Variants in SHANK2 observed in about 807,000 individuals in gnomAD.
SHANK2 encodes SH3 and multiple ankyrin repeat domains protein 2.
In SHANK2, 43 loss-of-function variants were observed where a neutral mutation model predicts 133.7. The observed-to-expected ratio is 0.32, with a 90% CI of 0.25 to 0.41. SHANK2 has a LOEUF of 0.41. Among genes scored for constraint, SHANK2 ranks in the 10% least tolerant of loss-of-function variants. The pLI is 1.00. For synonymous variants in SHANK2, 1,017 were observed against 952.8 expected, an observed-to-expected ratio of 1.07 and a Z score of -1.24; for missense variants, 1,994 against 2,235.8, an observed-to-expected ratio of 0.89 and a Z score of 2.18.
chr11:70,611,429 C>G (rs1354493046), intron 17 of SHANK2, among the ~76,000 whole-genome samples: 6 of 152,218 alleles, frequency 3.9e-5, no homozygotes, highest in Non-Finnish European at 7.3e-5. Context: ...TGCTCCCCAC[C>G]TGCCCTGCTT....
chr11:71,231,342 T>C (rs1555122932), intron 1 of SHANK2, among the ~76,000 whole-genome samples: 1 of 152,060 alleles, frequency 6.6e-6, no homozygotes, highest in African/African-American at 2.4e-5. Flanking sequence ...ATTAAAGAAA[T>C]GCAAATAAAA....
intron 10 of SHANK2, among the ~76,000 whole-genome samples, chr11:70,912,551 G>A (rs952326294): frequency 2.0e-5 from 3 of 152,080 alleles, no homozygotes; most frequent in African/African-American, 4.8e-5. Flanking sequence ...AAGAAGTGCC[G>A]TTTGCCTCCT....
chr11:70,738,258 C>T (rs11237322), intron 14 of SHANK2, among the ~76,000 whole-genome samples: 49 of 152,352 alleles, frequency 3.2e-4, no homozygotes, highest in African/African-American at 1.0e-3. Flanking sequence ...CCGAAGCTTC[C>T]GAGGAAACCG....
chr11:71,221,897 C>T (rs541974120), intron 2 of SHANK2, among the ~76,000 whole-genome samples: 2 of 152,156 alleles, frequency 1.3e-5, no homozygotes, highest in East Asian at 3.9e-4. Flanking sequence ...TGTTCATGAT[C>T]AATGAATGGG....
chr11:70,520,977 G>A (rs1054398963), intron 17 of SHANK2, among the ~76,000 whole-genome samples: 3 of 152,072 alleles, frequency 2.0e-5, no homozygotes, highest in African/African-American at 7.2e-5. Flanking sequence ...CCGTGCTTTC[G>A]AATCCTCCAC....
intron 17 of SHANK2, among the ~76,000 whole-genome samples, chr11:70,519,784 G>T (rs1208622815): frequency 6.6e-6 from 1 of 152,096 alleles, no homozygotes; most frequent in Non-Finnish European, 1.5e-5. Context: ...TACCTGGGCT[G>T]GAGTGCAGTG....
At chr11:70,496,617 T>G (rs2058974843) in intron 21 of SHANK2, among the ~76,000 whole-genome samples, 3 of 152,146 alleles carry the variant, frequency 2.0e-5, no homozygotes, top group Admixed American at 2.0e-4. Flanking sequence ...CTGGCTGTAG[T>G]AAAGGGATTG....
chr11:70,853,734 T>C (rs1949126763), intron 11 of SHANK2, among the ~76,000 whole-genome samples: 1 of 152,150 alleles, frequency 6.6e-6, no homozygotes, highest in Non-Finnish European at 1.5e-5. Context: ...ATTCATTCTC[T>C]CACAATCTTA....
intron 17 of SHANK2, among the ~76,000 whole-genome samples, chr11:70,524,199 C>T (rs1554971681): frequency 6.6e-6 from 1 of 152,054 alleles, no homozygotes; most frequent in East Asian, 1.9e-4. Context: ...CCCCTCTCTA[C>T]CAGGAGAGTA....
intron 14 of SHANK2, among the ~76,000 whole-genome samples, chr11:70,751,706 A>G (rs1946752063): frequency 1.3e-5 from 2 of 152,206 alleles, no homozygotes; most frequent in Non-Finnish European, 1.5e-5. Flanking sequence ...TGGGTTTAAT[A>G]CACGTGATAG....
At chr11:70,803,647 G>A (rs1188989165) in intron 13 of SHANK2, among the ~76,000 whole-genome samples, 2 of 152,024 alleles carry the variant, frequency 1.3e-5, no homozygotes, top group South Asian at 2.1e-4. Flanking sequence ...TGTCTCAGAT[G>A]CAGGGACTTC....
chr11:70,846,487 C>T (rs148520967), intron 11 of SHANK2, among the ~76,000 whole-genome samples: 6 of 152,170 alleles, frequency 3.9e-5, no homozygotes, highest in Middle Eastern at 3.4e-3. Flanking sequence ...CCAGGCTGGC[C>T]TCAAGCGATC....
intron 11 of SHANK2, chr11:70,872,985 A>G (rs1449480349): frequency 4.2e-6 from 2 of 471,196 alleles, no homozygotes; most frequent in Non-Finnish European, 8.8e-6. Context: ...AAACATTACA[A>G]AAGCTAAAGA....
At chr11:71,231,380 A>C (rs1555122937) in intron 1 of SHANK2, among the ~76,000 whole-genome samples, 2 of 152,240 alleles carry the variant, frequency 1.3e-5, no homozygotes, top group Admixed American at 1.3e-4. Context: ...CTATCAAAAC[A>C]GCTAGAATGA....
At chr11:70,669,846 G>A (rs950763083) in intron 15 of SHANK2, among the ~76,000 whole-genome samples, 5 of 152,244 alleles carry the variant, frequency 3.3e-5, no homozygotes, top group Non-Finnish European at 7.3e-5. Context: ...CCTTGGGTGT[G>A]CTGATGGCGG....
At chr11:70,943,507 A>G (rs1169580451) in intron 10 of SHANK2, among the ~76,000 whole-genome samples, 2 of 152,102 alleles carry the variant, frequency 1.3e-5, no homozygotes, top group East Asian at 1.9e-4. Flanking sequence ...AGAGATGGCA[A>G]TGGGTCCAGA....
chr11:70,673,170 C>T (rs1478187610), intron 15 of SHANK2, among the ~76,000 whole-genome samples: 1 of 151,978 alleles, frequency 6.6e-6, no homozygotes, highest in African/African-American at 2.4e-5. Flanking sequence ...GTGAGTTGGT[C>T]GCCCGCCACT....
chr11:70,912,177 G>A (rs1590825166), intron 10 of SHANK2, among the ~76,000 whole-genome samples: 1 of 151,486 alleles, frequency 6.6e-6, no homozygotes, highest in African/African-American at 2.4e-5. Context: ...TGGTGGTGGT[G>A]ACACTTACCA....
intron 2 of SHANK2, among the ~76,000 whole-genome samples, chr11:71,223,732 C>T (rs1030210670): frequency 6.6e-6 from 1 of 152,158 alleles, no homozygotes; most frequent in Non-Finnish European, 1.5e-5. Flanking sequence ...GTATATCTGA[C>T]GCAGCTTCTT....
Sources: gnomAD v4.1 joint callset for allele counts (sites outside exome capture counted in the v4.1 genomes callset) on GRCh38, gnomAD v4.1.1 for gene constraint, MANE v1.5 for transcripts, NCBI Gene and HGNC (gene_info 2026-07-23, HGNC 2026-07-21) for gene names.